Variants in PTPRD observed in about 807,000 individuals in gnomAD.
PTPRD encodes the protein receptor-type tyrosine-protein phosphatase delta.
In PTPRD, 34 loss-of-function variants were observed where a neutral mutation model predicts 214.5. The observed-to-expected ratio is 0.16, with a 90% confidence interval of 0.12 to 0.21. The LOEUF (loss-of-function observed/expected upper bound fraction) is 0.21, where lower values mean the gene tolerates loss of function less well. Ranked by LOEUF, PTPRD falls within the 10% of genes least tolerant of loss-of-function variation. The probability of loss-of-function intolerance (pLI) is 1.00; values close to 1 mark genes in which losing one functional copy is unlikely to be tolerated. For missense variants in PTPRD, 2,545 were observed against 2,398.7 expected, an observed-to-expected ratio of 1.06 and a Z score of -1.27; for synonymous variants, 1,128 against 845.7, an observed-to-expected ratio of 1.33 and a Z score of -5.79.
chr9:8,330,945 G>A lies in PTPRD; in HGVS notation c.5534+637C>T, dbSNP rs184836395. ...GAATTGCTTTTGTTAGAAGGTTTTT[G>A]CATAGCAACTTCCAAAAACACTAAA... On this transcript the variant is annotated intron_variant, in intron 44 of 45. Coordinates refer to ENST00000381196, the MANE Select transcript of PTPRD (RefSeq NM_002839.4). Among the ~76,000 whole-genome samples, 31 of 151,830 alleles carry A rather than the reference G, an allele frequency of 2.0e-4. No individual in the cohort carries two copies. In the East Asian group the frequency reaches 4.1e-3, roughly 20 times the overall value.
intron 3 of PTPRD, among the ~76,000 whole-genome samples, chr9:10,244,666 G>C (rs188429079): frequency 6.6e-6 from 1 of 152,078 alleles, no homozygotes; most frequent in African/African-American, 2.4e-5. Context: ...AAATCTCATA[G>C]AGCCCCTCTT....
intron 5 of PTPRD, among the ~76,000 whole-genome samples, chr9:9,795,148 T>C (rs1337965133): frequency 6.6e-6 from 1 of 152,234 alleles, no homozygotes; most frequent in Non-Finnish European, 1.5e-5. Flanking sequence ...TCCTGTCTCT[T>C]TCTACTTTGT....
At chr9:9,745,115 T>C (rs1435444955) in intron 6 of PTPRD, among the ~76,000 whole-genome samples, 1 of 152,072 alleles carries the variant, frequency 6.6e-6, no homozygotes, top group East Asian at 1.9e-4. Context: ...TTAAAAATTA[T>C]AATTATAAAA....
At chr9:10,013,921 G>C (rs1486551651) in intron 4 of PTPRD, among the ~76,000 whole-genome samples, 1 of 151,722 alleles carries the variant, frequency 6.6e-6, no homozygotes, top group African/African-American at 2.4e-5. Context: ...TTTAGGTTTT[G>C]TACCCTTCTG....
intron 11 of PTPRD, among the ~76,000 whole-genome samples, chr9:8,849,562 A>T (rs2097773014): frequency 6.6e-6 from 1 of 152,192 alleles, no homozygotes; most frequent in South Asian, 2.1e-4. Context: ...AACGAAAAGG[A>T]ATAGCACTTG....
At chr9:10,302,213 T>C (rs929570800) in intron 3 of PTPRD, among the ~76,000 whole-genome samples, 3 of 152,154 alleles carry the variant, frequency 2.0e-5, no homozygotes, top group Non-Finnish European at 4.4e-5. Flanking sequence ...GGCAAGCAAA[T>C]GCTGAGAGAT....
rs145066488 is a variant in PTPRD, at chr9:10,511,878, G to GTATA, written c.-600+100516_-600+100519dup. ...TGTGTGTGTGTGTGTGTGTGTGTGT[G>GTATA]TATATACACACACACATATATATAC... On this transcript the variant is annotated intron_variant, in intron 2 of 45. Coordinates refer to ENST00000381196, the MANE Select transcript of PTPRD (RefSeq NM_002839.4). 5.5e-3 allele frequency among the ~76,000 whole-genome samples: 734 copies of GTATA among 133,804 alleles called. 15 individuals are homozygous for GTATA. The highest frequency in any genetic ancestry group is 0.019 in the African/African-American group (686 of 35,188). The allele number at this position is 133,804 out of a possible 152,430, so 87.8% of individuals were successfully genotyped here.
chr9:8,421,352 C>G (rs1038719881), intron 35 of PTPRD, among the ~76,000 whole-genome samples: 1 of 145,544 alleles, frequency 6.9e-6, no homozygotes, highest in South Asian at 2.2e-4. Context: ...TTTCTTTCTT[C>G]TTCTCTCTTC....
chr9:9,244,034 C>A (rs142270886), intron 9 of PTPRD, among the ~76,000 whole-genome samples: 7 of 152,136 alleles, frequency 4.6e-5, no homozygotes, highest in African/African-American at 1.7e-4. Flanking sequence ...CTCCCATTCA[C>A]AATTGCTTCA....
At chr9:9,525,077 T>G (rs750332232) in intron 8 of PTPRD, among the ~76,000 whole-genome samples, 3 of 152,178 alleles carry the variant, frequency 2.0e-5, no homozygotes. Context: ...CAGGATGGTC[T>G]CGATCTCTTG....
At chr9:10,392,898 G>A (rs1301016470) in intron 2 of PTPRD, among the ~76,000 whole-genome samples, 1 of 151,816 alleles carries the variant, frequency 6.6e-6, no homozygotes, top group Non-Finnish European at 1.5e-5. Context: ...AGTGGGTGGA[G>A]TAGGCAGGTC....
chr9:8,358,358 A>G (rs537656244), intron 39 of PTPRD, among the ~76,000 whole-genome samples: 9 of 152,160 alleles, frequency 5.9e-5, no homozygotes, highest in Admixed American at 3.3e-4. Flanking sequence ...AGTTGATGAT[A>G]CTGACTATTT....
chr9:9,275,821 GTGTGTGTGTGTA>G (rs1022763174), intron 9 of PTPRD, among the ~76,000 whole-genome samples: 4 of 147,314 alleles, frequency 2.7e-5, no homozygotes, highest in Non-Finnish European at 6.0e-5. Context: ...CGAAACAGCT[GTGTGTGTGTGTA>G]TGTGTGTGTG....
At chr9:9,658,785 T>C (rs1362058889) in intron 7 of PTPRD, among the ~76,000 whole-genome samples, 1 of 152,130 alleles carries the variant, frequency 6.6e-6, no homozygotes, top group Non-Finnish European at 1.5e-5. Context: ...TATTCCGTGT[T>C]AGGTACTGTG....
rs112733546 is a variant in PTPRD, at chr9:9,106,470, A to G, written c.-143+76834T>C. ...CTATAGTTAAATATGCCTAAAGTTA[A>G]TAAGTAAAAGAGCAAGAGTTTGGAA... On this transcript the variant is annotated intron_variant, in intron 10 of 45. Transcript: ENST00000381196. Among the ~76,000 whole-genome samples the G allele has an allele frequency of 8.8e-3, 1,331 of 151,978 alleles. 16 individuals carry two copies. Among genetic ancestry groups the G allele is most frequent in the African/African-American group, 0.03 (1,246 of 41,484 alleles).
At chr9:9,757,034 G>T (rs1373027039) in intron 6 of PTPRD, among the ~76,000 whole-genome samples, 1 of 152,096 alleles carries the variant, frequency 6.6e-6, no homozygotes, top group East Asian at 1.9e-4. Context: ...CCAATGAAAA[G>T]AATGTTTATT....
intron 11 of PTPRD, among the ~76,000 whole-genome samples, chr9:8,820,340 A>G (rs911186451): frequency 6.6e-6 from 1 of 152,162 alleles, no homozygotes; most frequent in Non-Finnish European, 1.5e-5. Flanking sequence ...TCCATAAGCC[A>G]TCTTTTCAAC....
At chr9:9,729,012 G>C (rs1215864553) in intron 7 of PTPRD, among the ~76,000 whole-genome samples, 1 of 152,082 alleles carries the variant, frequency 6.6e-6, no homozygotes, top group Non-Finnish European at 1.5e-5. Flanking sequence ...AAAGTCAGGA[G>C]AGAATTATTT....
At chr9:8,376,828 T>C (rs2083394829) in intron 37 of PTPRD, 102 bp from the exon 38 acceptor site, 4 of 1,462,328 alleles carry the variant, frequency 2.7e-6, no homozygotes, top group Non-Finnish European at 3.7e-6. Flanking sequence ...CTGCACTTCA[T>C]TTTATGTTGA....
Sources: gnomAD v4.1 joint callset for allele counts (sites outside exome capture counted in the v4.1 genomes callset) on GRCh38, gnomAD v4.1.1 for gene constraint, MANE v1.5 for transcripts, NCBI Gene and HGNC (gene_info 2026-07-23, HGNC 2026-07-21) for gene names.